RANBP17: variants seen among roughly 807,000 people sequenced by gnomAD.
RANBP17 encodes ran-binding protein 17.
In RANBP17, 158 loss-of-function variants were observed where a neutral mutation model predicts 141.2. The observed-to-expected ratio is 1.12, with a 90% CI of 0.98 to 1.28. The LOEUF (loss-of-function observed/expected upper bound fraction) is 1.28. RANBP17 is among the 50% of genes most tolerant of loss of function. The probability of loss-of-function intolerance (pLI) is 0.00; values close to 1 mark genes in which losing one functional copy is unlikely to be tolerated. For missense variants in RANBP17, 1,438 were observed against 1,290.7 expected, an observed-to-expected ratio of 1.11 and a Z score of -1.75; for synonymous variants, 430 against 450.0, an observed-to-expected ratio of 0.96 and a Z score of 0.56.
chr5:171,223,281 G>A (rs988795394), intron 22 of RANBP17, among the ~76,000 whole-genome samples: 1 of 152,118 alleles, frequency 6.6e-6, no homozygotes, highest in Non-Finnish European at 1.5e-5. Flanking sequence ...ATTTTCATCT[G>A]TACCAGTAAC....
chr5:171,047,969 T>C lies in RANBP17; in HGVS notation c.1710+79592T>C, dbSNP rs1418769030. Among the ~76,000 whole-genome samples the C allele has an allele frequency of 2.6e-5, 4 of 152,228 alleles. No homozygotes were observed. The East Asian group carries it at 7.7e-4, about 29-fold the overall frequency. On this transcript the variant is annotated intron_variant, in intron 14 of 27. Coordinates refer to ENST00000523189, the MANE Select transcript of RANBP17 (RefSeq NM_022897.5). ...TTTGACTAATTCTGGTTCACAAATATTTTCTCCTAAAAGTGATAGAATTTT... is the reference window on the plus strand; with the variant it reads ...TTTGACTAATTCTGGTTCACAAATACTTTCTCCTAAAAGTGATAGAATTTT...
At chr5:171,195,608 T>C (rs893967014) in intron 18 of RANBP17, among the ~76,000 whole-genome samples, 6 of 152,212 alleles carry the variant, frequency 3.9e-5, no homozygotes, top group Admixed American at 3.9e-4. Flanking sequence ...CTTCACTCTC[T>C]TCTGACTTCA....
chr5:171,167,555 A>G (rs1290841120), intron 14 of RANBP17, among the ~76,000 whole-genome samples: 5 of 152,216 alleles, frequency 3.3e-5, no homozygotes, highest in African/African-American at 1.2e-4. Flanking sequence ...TCATTTATCT[A>G]TATAAATGAT....
chr5:171,136,211 G>A (rs540240686), intron 14 of RANBP17, among the ~76,000 whole-genome samples: 13 of 152,050 alleles, frequency 8.5e-5, no homozygotes, highest in Non-Finnish European at 1.8e-4. Context: ...TTGTATAAGG[G>A]TATTTTCACA....
At chr5:170,983,984 G>A (rs1198363758) in intron 14 of RANBP17, among the ~76,000 whole-genome samples, 1 of 152,126 alleles carries the variant, frequency 6.6e-6, no homozygotes, top group Non-Finnish European at 1.5e-5. Context: ...ATCCAGATAG[G>A]TTAGTATAGC....
At chr5:171,006,447 GGATAT>G (rs1561979607) in intron 14 of RANBP17, among the ~76,000 whole-genome samples, 1 of 152,112 alleles carries the variant, frequency 6.6e-6, no homozygotes, top group Non-Finnish European at 1.5e-5. Context: ...TCCTTTGTAG[GGATAT>G]GGATGAAGCT....
intron 14 of RANBP17, among the ~76,000 whole-genome samples, chr5:171,125,296 CAAA>C (rs3083436): frequency 8.1e-5 from 7 of 85,956 alleles, no homozygotes; most frequent in South Asian, 5.2e-4. Context: ...GACTATGTAT[CAAA>C]AAAAAAAAAA....
Position 171,175,836 on chromosome 5 carries a change from C to T in RANBP17, c.1865+4550C>T, listed in dbSNP as rs531194989. Among the ~76,000 whole-genome samples, 4 of 151,490 alleles carry T rather than the reference C, an allele frequency of 2.6e-5. No individual in the cohort carries two copies. The East Asian group carries it at 5.8e-4, about 22-fold the overall frequency. On this transcript the variant is annotated intron_variant, in intron 16 of 27. Transcript: ENST00000523189. ...TTTTTACCTTATGGATACTGTTAAC[C>T]GCAACAGTTCTCAAGATTAATGACT...
chr5:171,147,470 C>T (rs1353312360), intron 14 of RANBP17, among the ~76,000 whole-genome samples: 1 of 146,900 alleles, frequency 6.8e-6, no homozygotes, highest in Non-Finnish European at 1.5e-5. Flanking sequence ...GGCTGGAGTG[C>T]AGTGGCGGTA....
intron 1 of RANBP17, among the ~76,000 whole-genome samples, chr5:170,876,576 T>A (rs958129720): frequency 2.0e-5 from 3 of 152,164 alleles, no homozygotes; most frequent in Admixed American, 2.0e-4. Flanking sequence ...CTATTTGAAA[T>A]CTTATTTTTG....
At chr5:171,106,169 A>C (rs1754820020) in intron 14 of RANBP17, among the ~76,000 whole-genome samples, 2 of 152,194 alleles carry the variant, frequency 1.3e-5, no homozygotes, top group Admixed American at 1.3e-4. Flanking sequence ...TGAGACTGAC[A>C]AAAAACAGTA....
chr5:171,030,485 T>C (rs1272870757), intron 14 of RANBP17, among the ~76,000 whole-genome samples: 2 of 151,992 alleles, frequency 1.3e-5, no homozygotes, highest in Non-Finnish European at 2.9e-5. Context: ...ATGTCTCCAG[T>C]GGTATCTCTC....
At chr5:171,187,007 T>C (rs1461760558) in intron 18 of RANBP17, among the ~76,000 whole-genome samples, 1 of 152,206 alleles carries the variant, frequency 6.6e-6, no homozygotes, top group Non-Finnish European at 1.5e-5. Flanking sequence ...TCTTTCTCAC[T>C]AAGGTTAATC....
chr5:171,271,880 G>A (rs1767138103), intron 25 of RANBP17, among the ~76,000 whole-genome samples: 1 of 152,140 alleles, frequency 6.6e-6, no homozygotes, highest in African/African-American at 2.4e-5. Context: ...TACATAGTGG[G>A]AAGAAAAATA....
At chr5:171,273,469 G>A (rs1255232043) in intron 25 of RANBP17, among the ~76,000 whole-genome samples, 1 of 152,184 alleles carries the variant, frequency 6.6e-6, no homozygotes, top group Non-Finnish European at 1.5e-5. Context: ...CTCAAGTTGA[G>A]TGCACATCTC....
chr5:171,289,981 GAGCGTACCACTGCACTCT>G (rs1768386201), intron 25 of RANBP17, among the ~76,000 whole-genome samples: 1 of 152,120 alleles, frequency 6.6e-6, no homozygotes, highest in South Asian at 2.1e-4. Flanking sequence ...AGTGAGCTGA[GAGCGTACCACTGCACTCT>G]AGCCTTGGTG....
chr5:170,979,715 C>T (rs1289445737), intron 14 of RANBP17, among the ~76,000 whole-genome samples: 1 of 152,206 alleles, frequency 6.6e-6, no homozygotes, highest in Non-Finnish European at 1.5e-5. Context: ...TGTGAGGCCT[C>T]CCCAACCATA....
intron 14 of RANBP17, among the ~76,000 whole-genome samples, chr5:171,153,790 G>A (rs1031033586): frequency 6.6e-6 from 1 of 152,192 alleles, no homozygotes; most frequent in Non-Finnish European, 1.5e-5. Context: ...GCTCATGCCT[G>A]TAATCTTCAG....
chr5:171,154,250 T>C (rs1365719304), intron 14 of RANBP17, among the ~76,000 whole-genome samples: 1 of 152,112 alleles, frequency 6.6e-6, no homozygotes, highest in Non-Finnish European at 1.5e-5. Context: ...CACTGTCTGA[T>C]AGGTGCCAAG....
Sources: gnomAD v4.1 joint callset for allele counts (sites outside exome capture counted in the v4.1 genomes callset) on GRCh38, gnomAD v4.1.1 for gene constraint, MANE v1.5 for transcripts, NCBI Gene and HGNC (gene_info 2026-07-23, HGNC 2026-07-21) for gene names.